The following RARB variants were observed in gnomAD, a reference collection of about 807,000 sequenced individuals.
RARB encodes the protein retinoic acid receptor beta, also known as HBV-activated protein.
In RARB, 17 loss-of-function variants were observed where a neutral mutation model predicts 51.9. The ratio of observed to expected loss-of-function variants is 0.33; its 90% CI spans 0.22 to 0.49. The LOEUF (loss-of-function observed/expected upper bound fraction) is 0.49. Ranked by LOEUF, RARB falls within the 20% of genes least tolerant of loss-of-function variation. The pLI is 0.99. For missense variants in RARB, 369 were observed against 550.8 expected (o/e 0.67, Z 3.30); for synonymous variants, 215 against 195.4 (o/e 1.10, Z -0.84).
chr3:25,285,916 A>C (rs148836838), intron 5 of RARB, among the ~76,000 whole-genome samples: 1,960 of 152,242 alleles, frequency 0.013, 17 homozygotes, highest in Non-Finnish European at 0.021. Context: ...ACATCTACAC[A>C]TGCTCAGTAA....
intron 3 of RARB, among the ~76,000 whole-genome samples, chr3:25,566,157 G>T (rs1700485493): frequency 6.6e-6 from 1 of 152,194 alleles, no homozygotes; most frequent in Non-Finnish European, 1.5e-5. Flanking sequence ...GTTCTTGGCA[G>T]CCCTTCTCAA....
intron 3 of RARB, among the ~76,000 whole-genome samples, chr3:25,522,064 C>T (rs552815675): frequency 6.6e-6 from 1 of 152,032 alleles, no homozygotes; most frequent in African/African-American, 2.4e-5. Flanking sequence ...AGAGTATCAT[C>T]ATTTTAGAGA....
chr3:25,385,120 G>A (rs977516547), intron 5 of RARB, among the ~76,000 whole-genome samples: 2 of 152,156 alleles, frequency 1.3e-5, no homozygotes, highest in African/African-American at 4.8e-5. Flanking sequence ...TCTTAGCCCT[G>A]TAGTTTGCAA....
intron 2 of RARB, among the ~76,000 whole-genome samples, chr3:24,944,270 G>A (rs1206611891): frequency 6.6e-6 from 1 of 152,132 alleles, no homozygotes; most frequent in Non-Finnish European, 1.5e-5. Context: ...TGATCCCCTT[G>A]GGGATGTAAA....
chr3:25,240,125 C>T (rs1034276219), intron 5 of RARB, among the ~76,000 whole-genome samples: 1 of 151,000 alleles, frequency 6.6e-6, no homozygotes, highest in East Asian at 1.9e-4. Flanking sequence ...TTCTTGATTT[C>T]ATTCTCGGTT....
At chr3:25,338,079 C>T (rs1201752510) in intron 5 of RARB, among the ~76,000 whole-genome samples, 2 of 131,472 alleles carry the variant, frequency 1.5e-5, no homozygotes, top group South Asian at 4.7e-4. Context: ...GTGTATGTCA[C>T]CCCCCTCCAA....
At chr3:25,216,784 T>A (rs532266748) in intron 5 of RARB, among the ~76,000 whole-genome samples, 25 of 151,230 alleles carry the variant, frequency 1.7e-4, no homozygotes, top group African/African-American at 5.3e-4. Flanking sequence ...TTCTAAAAAA[T>A]ATATGTATAT....
intron 2 of RARB, among the ~76,000 whole-genome samples, chr3:24,951,951 A>G (rs1009992605): frequency 6.6e-6 from 1 of 152,248 alleles, no homozygotes; most frequent in African/African-American, 2.4e-5. Context: ...TAGGAAACGT[A>G]ATACACCCTT....
intron 2 of RARB, among the ~76,000 whole-genome samples, chr3:24,890,858 T>A (rs4622866): frequency 0.22 from 33,227 of 151,058 alleles, 4,441 homozygotes; most frequent in African/African-American, 0.38. Context: ...TAAAAAAAAA[T>A]GCGGTTTGAG....
chr3:25,524,411 C>G (rs1318266157), intron 3 of RARB, among the ~76,000 whole-genome samples: 1 of 152,110 alleles, frequency 6.6e-6, no homozygotes, highest in Non-Finnish European at 1.5e-5. Context: ...TAATCAGAAC[C>G]TTTCTCCAAC....
chr3:25,045,044 T>G (rs1020802325), intron 2 of RARB, among the ~76,000 whole-genome samples: 3 of 152,200 alleles, frequency 2.0e-5, no homozygotes, highest in South Asian at 4.1e-4. Flanking sequence ...AAGACAAGTT[T>G]CGAAAACCTA....
At chr3:25,225,940 A>T (rs1379731712) in intron 5 of RARB, among the ~76,000 whole-genome samples, 2 of 152,212 alleles carry the variant, frequency 1.3e-5, no homozygotes, top group Admixed American at 1.3e-4. Flanking sequence ...CTTCCAAATA[A>T]GGATGCATTT....
chr3:25,358,990 C>G (rs1705839393), intron 5 of RARB, among the ~76,000 whole-genome samples: 1 of 151,132 alleles, frequency 6.6e-6, no homozygotes, highest in South Asian at 2.1e-4. Context: ...TGATGCTGGT[C>G]TCATAAAATG....
chr3:24,991,448 A>AAAAAAAAAAAAAG (rs569915453), intron 2 of RARB, among the ~76,000 whole-genome samples: 129 of 151,376 alleles, frequency 8.5e-4, no homozygotes, highest in Non-Finnish European at 6.3e-4. Context: ...TGTCTCAAAA[A>AAAAAAAAAAAAAG]AAAAAGAAAA....
At chr3:25,326,389 G>T (rs1275932316) in intron 5 of RARB, among the ~76,000 whole-genome samples, 1 of 152,168 alleles carries the variant, frequency 6.6e-6, no homozygotes, top group Non-Finnish European at 1.5e-5. Context: ...AACAGAAATT[G>T]AGTCATCCTG....
At chr3:25,011,056 C>T (rs1042955190) in intron 2 of RARB, among the ~76,000 whole-genome samples, 1 of 152,042 alleles carries the variant, frequency 6.6e-6, no homozygotes, top group Admixed American at 6.6e-5. Flanking sequence ...TATATCTGTT[C>T]GATTGTTATT....
intron 5 of RARB, among the ~76,000 whole-genome samples, chr3:25,241,616 TC>T (rs1412098869): frequency 1.3e-5 from 2 of 152,342 alleles, no homozygotes; most frequent in Admixed American, 1.3e-4. Context: ...GCTTCCAGAT[TC>T]ATGCATATCC....
intron 2 of RARB, among the ~76,000 whole-genome samples, chr3:25,493,574 G>A (rs1696857302): frequency 6.6e-6 from 1 of 152,200 alleles, no homozygotes; most frequent in South Asian, 2.1e-4. Context: ...TTTTTATTCA[G>A]ATGAGGTTAG....
chr3:25,026,717 C>T (rs776170425), intron 2 of RARB, among the ~76,000 whole-genome samples: 4 of 152,100 alleles, frequency 2.6e-5, no homozygotes, highest in Non-Finnish European at 2.9e-5. Flanking sequence ...TAAATTTTTA[C>T]GTGTATCTCT....
Sources: allele counts gnomAD v4.1 joint callset (sites outside exome capture counted in the v4.1 genomes callset), GRCh38; gene constraint gnomAD v4.1.1; transcripts MANE v1.5; gene names NCBI Gene and HGNC (gene_info 2026-07-23, HGNC 2026-07-21).